The following QTGAL variants were observed in gnomAD, a reference collection of about 807,000 sequenced individuals.
QTGAL encodes the protein BGnT-like protein 1.
At chr17:82,957,400 G>A in the QTGAL span, 9 of 1,612,946 alleles carry the variant, frequency 5.6e-6, no homozygotes, top group East Asian at 2.2e-5. Flanking sequence ...TACAGCCGGC[G>A]CCCCTGCTTG....
the QTGAL span, among the ~76,000 whole-genome samples, chr17:83,041,125 G>A: frequency 2.1e-3 from 313 of 150,766 alleles, 1 homozygote; most frequent in African/African-American, 7.2e-3. Flanking sequence ...TACTGGAGGA[G>A]CTCAAGAGTA....
chr17:82,968,248 C>G, the QTGAL span, among the ~76,000 whole-genome samples: 3 of 152,196 alleles, frequency 2.0e-5, no homozygotes, highest in Non-Finnish European at 2.9e-5. Context: ...CACAGCAGCC[C>G]CAGACTGGAG....
At chr17:83,005,838 A>C in the QTGAL span, 9 of 1,317,100 alleles carry the variant, frequency 6.8e-6, no homozygotes, top group Admixed American at 3.0e-5. The surrounding 1 kb of genome is among the most constrained non-coding windows in gnomAD (Gnocchi z 5.6). Flanking sequence ...AGCCTTTCTC[A>C]ACCCTTCCCC....
At chr17:82,964,869 C>T in the QTGAL span, among the ~76,000 whole-genome samples, 6 of 72,722 alleles carry the variant, frequency 8.3e-5, no homozygotes, top group Non-Finnish European at 1.5e-4. Flanking sequence ...GCAGGTGCAC[C>T]CCCACGGGGG....
At chr17:83,045,168 A>T in the QTGAL span, among the ~76,000 whole-genome samples, 3 of 152,210 alleles carry the variant, frequency 2.0e-5, 1 homozygote, top group South Asian at 6.2e-4. Context: ...AAAATTAAGA[A>T]AACAATTCAC....
the QTGAL span, among the ~76,000 whole-genome samples, chr17:82,973,273 G>A: frequency 6.6e-6 from 1 of 152,188 alleles, no homozygotes; most frequent in African/African-American, 2.4e-5. Context: ...AGCAAATAAC[G>A]ACTCTGAAGA....
the QTGAL span, among the ~76,000 whole-genome samples, chr17:82,994,620 T>A: frequency 3.9e-5 from 6 of 151,980 alleles, no homozygotes; most frequent in Non-Finnish European, 8.8e-5. Flanking sequence ...TACCAAACAT[T>A]TAAAGAACTA....
chr17:82,946,969 GC>G, the QTGAL span: 4 of 1,563,432 alleles, frequency 2.6e-6, no homozygotes, highest in South Asian at 3.5e-5. Flanking sequence ...CCTCAAAGGC[GC>G]CCCCTGTGAG....
At chr17:82,946,823 G>T in the QTGAL span, 5 of 1,356,106 alleles carry the variant, frequency 3.7e-6, no homozygotes, top group Non-Finnish European at 5.1e-6. Flanking sequence ...GAATGAAAAG[G>T]AAATGAAACA....
chr17:83,049,410 T>TG, the QTGAL span, among the ~76,000 whole-genome samples: 4 of 147,950 alleles, frequency 2.7e-5, no homozygotes, highest in African/African-American at 1.0e-4. Flanking sequence ...AATAACTGGT[T>TG]GGTTTTTTTT....
At chr17:83,038,720 G>C in the QTGAL span, among the ~76,000 whole-genome samples, 1 of 152,100 alleles carries the variant, frequency 6.6e-6, no homozygotes, top group Non-Finnish European at 1.5e-5. Flanking sequence ...TTAGCCGGGC[G>C]TGGTGGCGGG....
At chr17:83,036,016 T>C in the QTGAL span, among the ~76,000 whole-genome samples, 1 of 152,230 alleles carries the variant, frequency 6.6e-6, no homozygotes, top group Non-Finnish European at 1.5e-5. Flanking sequence ...CTGAATGTGC[T>C]GCCAGCATCT....
chr17:82,972,696 C>CT, the QTGAL span, among the ~76,000 whole-genome samples: 3 of 129,906 alleles, frequency 2.3e-5, no homozygotes, highest in East Asian at 2.3e-4. Flanking sequence ...CCACACCACA[C>CT]CACAGGGGCC....
At chr17:82,952,069 C>T in the QTGAL span, among the ~76,000 whole-genome samples, 5 of 152,188 alleles carry the variant, frequency 3.3e-5, no homozygotes, top group Non-Finnish European at 5.9e-5. Context: ...ATAAAATGCA[C>T]AATGAAGTGC....
chr17:83,001,659 G>A, the QTGAL span, among the ~76,000 whole-genome samples: 1 of 152,224 alleles, frequency 6.6e-6, no homozygotes, highest in Non-Finnish European at 1.5e-5. Context: ...TGCACACAGA[G>A]ACATCTGAGA....
the QTGAL span, chr17:82,957,441 C>G: frequency 6.2e-7 from 1 of 1,611,520 alleles, no homozygotes; most frequent in Non-Finnish European, 8.5e-7. Context: ...GGCCGCCCAG[C>G]GGGGCAGGGC....
the QTGAL span, among the ~76,000 whole-genome samples, chr17:83,011,948 G>A: frequency 1.1e-4 from 16 of 147,248 alleles, no homozygotes; most frequent in South Asian, 2.2e-4. Flanking sequence ...CGAACTCCTC[G>A]TATCCATAAG....
At chr17:82,955,437 A>T in the QTGAL span, among the ~76,000 whole-genome samples, 5 of 152,214 alleles carry the variant, frequency 3.3e-5, no homozygotes, top group Non-Finnish European at 7.3e-5. Context: ...GCAAATCAAA[A>T]CCATGATGAG....
At chr17:82,964,440 T>A in the QTGAL span, among the ~76,000 whole-genome samples, 1 of 152,124 alleles carries the variant, frequency 6.6e-6, no homozygotes, top group Non-Finnish European at 1.5e-5. Flanking sequence ...CAACATAGAA[T>A]TGGAGTTTTT....
Sources: gnomAD v4.1 joint callset for allele counts (sites outside exome capture counted in the v4.1 genomes callset) on GRCh38, gnomAD v4.1.1 for gene constraint, Gnocchi (gnomAD v3.1) non-coding constraint, MANE v1.5 for transcripts, NCBI Gene and HGNC (gene_info 2026-07-23, HGNC 2026-07-21) for gene names.